Variants in TRUB1 observed in about 807,000 individuals in gnomAD.
The protein encoded by TRUB1 is pseudouridylate synthase TRUB1.
TRUB1 carries 23 observed loss-of-function variants against 33.9 expected under a neutral mutation model. The ratio of observed to expected loss-of-function variants is 0.68; its 90% CI spans 0.49 to 0.96. TRUB1 has a LOEUF of 0.96. Ranked by LOEUF, TRUB1 falls within the 40% of genes least tolerant of loss-of-function variation. The pLI, the probability that TRUB1 is intolerant of heterozygous loss-of-function variation, is 0.00. For missense variants in TRUB1, 378 were observed against 422.2 expected (o/e 0.90, Z 0.92); for synonymous variants, 163 against 165.4 (o/e 0.99, Z 0.11).
At chr10:114,967,201 A>T (rs543493264) in intron 4 of TRUB1, among the ~76,000 whole-genome samples, 3 of 152,272 alleles carry the variant, frequency 2.0e-5, no homozygotes, top group Admixed American at 2.0e-4. Flanking sequence ...CTGTGCTTTG[A>T]CGTTCCCCTC....
intron 4 of TRUB1, among the ~76,000 whole-genome samples, chr10:114,961,112 T>G (rs1294455400): frequency 6.6e-6 from 1 of 152,030 alleles, no homozygotes; most frequent in Non-Finnish European, 1.5e-5. Context: ...TCTCTTTATG[T>G]TGTAGTTTTT....
At position 114,938,437 on chromosome 10, in the gene TRUB1, G is replaced by C; in HGVS notation, c.184G>C (p.Ala62Pro). Residue 62 changes from alanine to proline, a missense_variant, in exon 1 of 8, where the codon GCT becomes CCT. Transcript: ENST00000298746. ...SEARVSKAAL[A>P]TKLLSLSGVF... Reference sequence around the variant, plus strand: ...AGCCAGGGTCTCCAAGGCCGCTTTGGCTACCAAGCTGCTGTCCTTGAGCGG... The same window carrying C: ...AGCCAGGGTCTCCAAGGCCGCTTTGCCTACCAAGCTGCTGTCCTTGAGCGG... 1.3e-6 allele frequency: 2 copies of C among 1,596,282 alleles called. No homozygotes were observed. The highest frequency in any genetic ancestry group is 1.7e-4 in the Middle Eastern group (1 of 6,026).
chr10:114,965,258 TC>T, intron 4 of TRUB1, among the ~76,000 whole-genome samples: 2 of 152,186 alleles, frequency 1.3e-5, no homozygotes, highest in South Asian at 4.1e-4. Flanking sequence ...AGCTTTCTTA[TC>T]AAAGTAAAGA....
intron 5 of TRUB1, among the ~76,000 whole-genome samples, chr10:114,971,661 A>G (rs2143030312): frequency 6.6e-6 from 1 of 152,332 alleles, no homozygotes; most frequent in South Asian, 2.1e-4. Context: ...AAAAGCTAAG[A>G]TACGCTAAGT....
intron 3 of TRUB1, among the ~76,000 whole-genome samples, chr10:114,958,350 G>A (rs569227907): frequency 5.7e-4 from 87 of 152,132 alleles, no homozygotes; most frequent in Non-Finnish European, 8.2e-4. Flanking sequence ...ATTGAAATGC[G>A]TTGGAATATT....
chr10:114,974,613 G>A (rs2084351738), intron 7 of TRUB1, among the ~76,000 whole-genome samples: 1 of 151,382 alleles, frequency 6.6e-6, no homozygotes, highest in Non-Finnish European at 1.5e-5. Flanking sequence ...AACAGAAAAC[G>A]AAGACAGGAA....
rs755117050 is a variant in TRUB1 at position 114,951,153 on chromosome 10, A to G, written c.441+4A>G. 46 of 1,609,560 alleles carry G rather than the reference A, an allele frequency of 2.9e-5. No homozygotes were observed. The highest frequency in any genetic ancestry group is 1.1e-4 in the South Asian group (10 of 90,414). ...CAGTATGTTGTCAGGGTCCAAGGTA[A>G]GAATACTGAAATAGTTCTATTTTTC... On this transcript the variant is annotated splice_donor_region_variant and intron_variant, in intron 3 of 7. Coordinates refer to ENST00000298746, the MANE Select transcript of TRUB1 (RefSeq NM_139169.5).
intron 3 of TRUB1, among the ~76,000 whole-genome samples, chr10:114,952,237 G>C (rs985538871): frequency 6.6e-6 from 1 of 151,624 alleles, no homozygotes; most frequent in Non-Finnish European, 1.5e-5. Flanking sequence ...TCAGGATTTC[G>C]AGACCAGCCT....
rs2084363380 is a variant in TRUB1 at position 114,976,844 on chromosome 10, A to G, written c.*1465A>G. The G allele has an allele frequency of 6.6e-6, 1 of 152,150 alleles. No individual in the cohort carries two copies. Among genetic ancestry groups the G allele is most frequent in the South Asian group, 2.1e-4 (1 of 4,832 alleles). 9.4% of individuals were successfully genotyped at this position (152,150 alleles called of 1,614,324 possible). On this transcript the variant is annotated 3_prime_UTR_variant, in exon 8 of 8. Transcript: ENST00000298746. ...AAGAGTGTTAATACCATGATGCATTAACATAAAATATCAAACACACAAAGT... is the reference window on the plus strand; with the variant it reads ...AAGAGTGTTAATACCATGATGCATTGACATAAAATATCAAACACACAAAGT...
chr10:114,952,193 C>T (rs2084238752), intron 3 of TRUB1, among the ~76,000 whole-genome samples: 1 of 152,174 alleles, frequency 6.6e-6, no homozygotes, highest in Non-Finnish European at 1.5e-5. Flanking sequence ...AATCCTAATA[C>T]TTTGGAAGGC....
chr10:114,965,114 A>C (rs2143023279), intron 4 of TRUB1, among the ~76,000 whole-genome samples: 1 of 152,102 alleles, frequency 6.6e-6, no homozygotes, highest in East Asian at 1.9e-4. Flanking sequence ...TATTTTTAGT[A>C]GAGATGAGGT....
Position 114,960,960 on chromosome 10 carries a change from A to G in TRUB1, c.523+1153A>G, listed in dbSNP as rs1358031797. Among the ~76,000 whole-genome samples the G allele has an allele frequency of 3.3e-5, 5 of 152,224 alleles. No individual in the cohort carries two copies. In the South Asian group the frequency reaches 8.3e-4, roughly 25 times the overall value. Reference sequence around the variant, plus strand: ...AAGGAGAATGATTATTATTCAGAACAGTAGTCCTGGGGTAATATAATTAAG... The same window carrying G: ...AAGGAGAATGATTATTATTCAGAACGGTAGTCCTGGGGTAATATAATTAAG... On this transcript the variant is annotated intron_variant, in intron 4 of 7. Coordinates refer to ENST00000298746, the MANE Select transcript of TRUB1 (RefSeq NM_139169.5).
intron 4 of TRUB1, among the ~76,000 whole-genome samples, chr10:114,964,203 T>C (rs895242497): frequency 6.6e-6 from 1 of 152,190 alleles, no homozygotes; most frequent in Non-Finnish European, 1.5e-5. Flanking sequence ...GTAGTGATAA[T>C]TCCATTGTGG....
At chr10:114,944,775 A>C (rs1459557268) in intron 2 of TRUB1, among the ~76,000 whole-genome samples, 1 of 152,146 alleles carries the variant, frequency 6.6e-6, no homozygotes, top group Non-Finnish European at 1.5e-5. Flanking sequence ...GCTTGAGCCC[A>C]AGAGTCCAAG....
chr10:114,946,129 G>A (rs1328592483), intron 2 of TRUB1, among the ~76,000 whole-genome samples: 4 of 152,114 alleles, frequency 2.6e-5, no homozygotes, highest in East Asian at 1.9e-4. Context: ...ATCATACTTC[G>A]GTTTGTACAC....
chr10:114,963,082 A>G (rs2084291065), intron 4 of TRUB1, among the ~76,000 whole-genome samples: 1 of 152,216 alleles, frequency 6.6e-6, no homozygotes, highest in Non-Finnish European at 1.5e-5. Context: ...CTAGATGTGG[A>G]CCAAGCATCC....
chr10:114,968,385 A>G (rs1354229546), intron 4 of TRUB1, among the ~76,000 whole-genome samples: 1 of 152,202 alleles, frequency 6.6e-6, no homozygotes, highest in Non-Finnish European at 1.5e-5. Flanking sequence ...CCTTGTTTTT[A>G]AAAATATGTG....
chr10:114,962,056 A>G (rs966783803), intron 4 of TRUB1, among the ~76,000 whole-genome samples: 1 of 152,232 alleles, frequency 6.6e-6, no homozygotes, highest in Non-Finnish European at 1.5e-5. Context: ...AAGTAGGTGC[A>G]TTCATATGTA....
rs750355581 is a variant in TRUB1, at chr10:114,938,438, C to T, written c.185C>T (p.Ala62Val). 1.1e-5 allele frequency: 17 copies of T among 1,596,326 alleles called. No individual in the cohort carries two copies. In the South Asian group the frequency reaches 1.7e-4, roughly 16 times the overall value. Reference sequence around the variant, plus strand: ...GCCAGGGTCTCCAAGGCCGCTTTGGCTACCAAGCTGCTGTCCTTGAGCGGC... The same window carrying T: ...GCCAGGGTCTCCAAGGCCGCTTTGGTTACCAAGCTGCTGTCCTTGAGCGGC... ...SEARVSKAAL[A>V]TKLLSLSGVF... Residue 62 changes from alanine (A) to valine (V), a missense_variant, in exon 1 of 8, where the codon GCT becomes GTT. By Grantham distance (64) the Ala-to-Val change is moderately conservative. Transcript: ENST00000298746.
Sources: gnomAD v4.1 joint callset for allele counts (sites outside exome capture counted in the v4.1 genomes callset) on GRCh38, gnomAD v4.1.1 for gene constraint, MANE v1.5 for transcripts, NCBI Gene and HGNC (gene_info 2026-07-23, HGNC 2026-07-21) for gene names.